ZNF711: variants seen among roughly 807,000 people sequenced by gnomAD.
ZNF711 encodes zinc finger protein 711.
A neutral mutation model predicts 43.5 loss-of-function variants in ZNF711; 3 were observed. The ratio of observed to expected loss-of-function variants is 0.07; its 90% CI spans 0.03 to 0.18. The LOEUF is 0.18. ZNF711 is among the 10% of genes least tolerant of loss of function. ZNF711 has a pLI of 1.00. For synonymous variants in ZNF711, 209 were observed against 207.7 expected (o/e 1.01, Z -0.06); for missense variants, 412 against 604.0 (o/e 0.68, Z 3.33).
rs753221892 is a variant in ZNF711, at chrX:85,268,268, CTTTTTTTTTT to C, written c.1055-12_1055-3del. 83 of 909,953 alleles carry C rather than the reference CTTTTTTTTTT, an allele frequency of 9.1e-5. No individual in the cohort carries two copies. The highest frequency in any genetic ancestry group is 7.1e-4 in the Admixed American group (20 of 28,035). The allele number at this position is 909,953 out of a possible 1,213,427, so 75.0% of individuals were successfully genotyped here. ...ATTAGCATATCAGTTTGTAATTGGT[CTTTTTTTTTT>C]TTTTTTTTTTTTTAGGAGATGAAAG... On this transcript the variant is annotated splice_polypyrimidine_tract_variant and intron_variant, in intron 8 of 10. Coordinates refer to ENST00000674551, the MANE Select transcript of ZNF711 (RefSeq NM_001330574.2).
intron 5 of ZNF711, among the ~76,000 whole-genome samples, chrX:85,262,022 C>T (rs73627345): frequency 1.8e-5 from 2 of 110,642 alleles, no homozygotes; most frequent in Non-Finnish European, 3.8e-5. Flanking sequence ...CTTAAAACTG[C>T]GTGCCAATAT....
chrX:85,253,965 A>G (rs1193075816), intron 4 of ZNF711, among the ~76,000 whole-genome samples: 3 of 111,591 alleles, frequency 2.7e-5, no homozygotes, highest in African/African-American at 9.8e-5. Flanking sequence ...TGTTGAATAT[A>G]TCAACAGTGT....
rs1199853073 is a variant in ZNF711, at chrX:85,245,029, A to G, written c.-406+838A>G. The stretch of plus-strand genomic sequence containing the variant: ...ACGTGTGTGCATTCTGCTCGAAATG[A>G]TTGAAACTTGGCATGGTCGTGGGAA... On this transcript the variant is annotated intron_variant, in intron 1 of 10. Transcript: ENST00000674551. 2.7e-5 allele frequency: 3 copies of G among 112,269 alleles called. No homozygotes were observed. The East Asian group carries it at 8.4e-4, about 32-fold the overall frequency. The allele number at this position is 112,269 out of a possible 1,213,427, so 9.3% of individuals were successfully genotyped here. A position where few individuals can be genotyped will look rare whatever the true frequency, so the allele number is the denominator to read the frequency against.
chrX:85,268,203 A>G, intron 8 of ZNF711, 91 bp from the exon 9 acceptor site: 1 of 1,051,348 alleles, frequency 9.5e-7, no homozygotes, highest in Non-Finnish European at 1.3e-6. Flanking sequence ...GCAAAGTAAG[A>G]TTTTGTAGAT....
intron 1 of ZNF711, among the ~76,000 whole-genome samples, chrX:85,245,696 C>G (rs1928981234): frequency 8.9e-6 from 1 of 111,961 alleles, no homozygotes; most frequent in African/African-American, 3.2e-5. Flanking sequence ...TGGTAGCATT[C>G]TAAGTATAAT....
chrX:85,253,758 T>C lies in ZNF711; in HGVS notation c.80-1501T>C, dbSNP rs1387674584. On this transcript the variant is annotated intron_variant, in intron 4 of 10. Coordinates refer to ENST00000674551, the MANE Select transcript of ZNF711 (RefSeq NM_001330574.2). ...ACTATATATATGCTATCCCTGTGTG[T>C]TCACAGACACACACACACACACACA... Among the ~76,000 whole-genome samples the C allele has an allele frequency of 6.3e-5, 6 of 95,394 alleles. No homozygotes were observed. In the Admixed American group the frequency reaches 6.7e-4, roughly 11 times the overall value. The allele number at this position is 95,394 out of a possible 115,157, so 82.8% of individuals were successfully genotyped here.
chrX:85,245,410 G>A (rs1928956022), intron 1 of ZNF711, among the ~76,000 whole-genome samples: 1 of 112,290 alleles, frequency 8.9e-6, no homozygotes, highest in African/African-American at 3.2e-5. Context: ...TTAACACACT[G>A]CTGTTTTCAT....
At chrX:85,267,593 A>G (rs1931196945) in intron 8 of ZNF711, among the ~76,000 whole-genome samples, 178 bp downstream of exon 8, 3 of 111,948 alleles carry the variant, frequency 2.7e-5, no homozygotes. Flanking sequence ...CATACCTTGT[A>G]CTATTTAAAA....
chrX:85,254,862 C>T (rs59536564), intron 4 of ZNF711, among the ~76,000 whole-genome samples: 8,626 of 109,061 alleles, frequency 0.079, 809 homozygotes, highest in African/African-American at 0.26. Flanking sequence ...TCGAGAGTGG[C>T]TGCTACTATT....
chrX:85,265,174 G>C lies in ZNF711; in HGVS notation c.835G>C (p.Val279Leu), dbSNP rs773184482. ...EYTSGHSVAG[V>L]LDQSRMQREK... ...CACCAGTGGACATTCAGTAGCTGGAGTGCTTGACCAGAGCCGAATGCAGCG... is the reference window on the plus strand; with the variant it reads ...CACCAGTGGACATTCAGTAGCTGGACTGCTTGACCAGAGCCGAATGCAGCG... Residue 279 changes from valine to leucine, a missense_variant, in exon 7 of 11, where the codon GTG becomes CTG. Val to Leu is a conservative substitution (Grantham distance 32). This residue lies in a region of ZNF711 where 375 missense variants were observed against 514.2 expected (regional missense o/e 0.73). Coordinates refer to ENST00000674551, the MANE Select transcript of ZNF711 (RefSeq NM_001330574.2). 2.2e-5 allele frequency: 27 copies of C among 1,206,241 alleles called. No individual in the cohort carries two copies. Among genetic ancestry groups the C allele is most frequent in the Non-Finnish European group, 3.0e-5 (27 of 892,860 alleles).
At chrX:85,255,114 A>T in intron 4 of ZNF711, 145 bp from the exon 5 acceptor site, 1 of 602,897 alleles carries the variant, frequency 1.7e-6, no homozygotes, top group Non-Finnish European at 2.5e-6. Flanking sequence ...AATTGCAGTT[A>T]AATTGTCAAT....
chrX:85,266,874 AT>A (rs1931140717), intron 7 of ZNF711, among the ~76,000 whole-genome samples: 1 of 107,109 alleles, frequency 9.3e-6, no homozygotes, highest in Non-Finnish European at 1.9e-5. Flanking sequence ...ATAGTACTGC[AT>A]TTCATTTATA....
chrX:85,244,096 G>C lies in ZNF711; in HGVS notation c.-501G>C, dbSNP rs1928745198. On this transcript the variant is annotated 5_prime_UTR_variant, in exon 1 of 11. Coordinates refer to ENST00000674551, the MANE Select transcript of ZNF711 (RefSeq NM_001330574.2). ...GCCGCCCCCCGCAGCCATCCAGAGC[G>C]CGGTCACAGTCCGACTGGCGGCACG... 6.8e-6 allele frequency: 1 copy of C among 147,594 alleles called. No homozygotes were observed. The highest frequency in any genetic ancestry group is 1.8e-4 in the East Asian group (1 of 5,612). The allele number at this position is 147,594 out of a possible 1,213,427, so 12.2% of individuals were successfully genotyped here. A position where few individuals can be genotyped will look rare whatever the true frequency, so the allele number is the denominator to read the frequency against.
chrX:85,267,939 G>A (rs1458746627), intron 8 of ZNF711, among the ~76,000 whole-genome samples: 1 of 111,078 alleles, frequency 9.0e-6, no homozygotes, highest in African/African-American at 3.3e-5. Context: ...GAAAAATTTT[G>A]ATGTTCAAAT....
intron 5 of ZNF711, among the ~76,000 whole-genome samples, chrX:85,260,378 C>T (rs1478464264): frequency 9.0e-6 from 1 of 110,993 alleles, no homozygotes; most frequent in Non-Finnish European, 1.9e-5. Context: ...TGGGAGATCT[C>T]ATTCAAACCT....
intron 9 of ZNF711, 58 bp downstream of exon 9, chrX:85,268,399 T>C: frequency 8.6e-7 from 1 of 1,156,908 alleles, no homozygotes; most frequent in Non-Finnish European, 1.2e-6. Flanking sequence ...TTTATTTTAC[T>C]GCTTGGTAAG....
chrX:85,250,304 C>T (rs2147796564), intron 4 of ZNF711, among the ~76,000 whole-genome samples: 1 of 111,241 alleles, frequency 9.0e-6, no homozygotes, highest in South Asian at 3.8e-4. Context: ...TATATATACA[C>T]ACATATACCT....
At chrX:85,253,594 C>T (rs771936889) in intron 4 of ZNF711, among the ~76,000 whole-genome samples, 11 of 111,121 alleles carry the variant, frequency 9.9e-5, no homozygotes, top group Non-Finnish European at 1.7e-4. Flanking sequence ...GTTAACTAGA[C>T]TACAGACCTA....
rs745623873 is a variant in ZNF711, at chrX:85,268,392, A to G, written c.1102+51A>G. 2.4e-5 allele frequency: 27 copies of G among 1,145,268 alleles called. No individual in the cohort carries two copies. In the South Asian group the frequency reaches 5.1e-4, roughly 22 times the overall value. The allele number at this position is 1,145,268 out of a possible 1,213,427, so 94.4% of individuals were successfully genotyped here. A position where few individuals can be genotyped will look rare whatever the true frequency, so the allele number is the denominator to read the frequency against. ...TGAGTTAAAGTTCTGGCTTTATTTT[A>G]TTTTACTGCTTGGTAAGTAACAAGT... On this transcript the variant is annotated intron_variant, in intron 9 of 10. Coordinates refer to ENST00000674551, the MANE Select transcript of ZNF711 (RefSeq NM_001330574.2).
Sources: allele counts gnomAD v4.1 joint callset (sites outside exome capture counted in the v4.1 genomes callset), GRCh38; gene constraint gnomAD v4.1.1; regional missense constraint gnomAD v4.1.1; transcripts MANE v1.5; gene names NCBI Gene and HGNC (gene_info 2026-07-23, HGNC 2026-07-21).